NUP210L: variants seen among roughly 807,000 people sequenced by gnomAD.
NUP210L encodes nucleoporin 210 like.
A neutral mutation model predicts 208.5 loss-of-function variants in NUP210L; 74 were observed. The ratio of observed to expected loss-of-function variants is 0.35; its 90% CI spans 0.29 to 0.43. The LOEUF is 0.43. Among genes scored for constraint, NUP210L ranks in the 20% least tolerant of loss-of-function variants. The probability of loss-of-function intolerance (pLI) is 1.00; values close to 1 mark genes in which losing one functional copy is unlikely to be tolerated. For missense variants in NUP210L, 1,843 were observed against 2,289.4 expected (o/e 0.81, Z 3.98); for synonymous variants, 780 against 816.9 (o/e 0.95, Z 0.77).
At chr1:153,993,447 T>C (rs1053752150) in intron 38 of NUP210L, among the ~76,000 whole-genome samples, 3 of 151,958 alleles carry the variant, frequency 2.0e-5, no homozygotes, top group Non-Finnish European at 4.4e-5. Flanking sequence ...GTGCCTGTAG[T>C]CCCAGCTACT....
At chr1:154,123,347 T>C (rs954381538) in intron 10 of NUP210L, among the ~76,000 whole-genome samples, 1 of 152,058 alleles carries the variant, frequency 6.6e-6, no homozygotes, top group Non-Finnish European at 1.5e-5. Flanking sequence ...AGTTTCATCA[T>C]GTTGGCCAGG....
At chr1:153,999,270 C>T (rs973094352) in intron 37 of NUP210L, among the ~76,000 whole-genome samples, 19 of 152,126 alleles carry the variant, frequency 1.2e-4, no homozygotes, top group Admixed American at 1.2e-3. Context: ...GGTTCTCTAG[C>T]TTTTCTAACA....
chr1:154,052,029 G>A (rs561161806), intron 25 of NUP210L, among the ~76,000 whole-genome samples: 2 of 152,256 alleles, frequency 1.3e-5, no homozygotes, highest in African/African-American at 4.8e-5. Flanking sequence ...GGAGAAACAG[G>A]GACTACGGGA....
intron 15 of NUP210L, among the ~76,000 whole-genome samples, chr1:154,091,029 CAGAT>C (rs1041639205): frequency 1.3e-5 from 2 of 150,632 alleles, no homozygotes; most frequent in Non-Finnish European, 3.0e-5. Context: ...AGGATCTTGA[CAGAT>C]AGCTGTATTT....
rs1350938703 is a variant in NUP210L, at chr1:154,055,171, C to CT, written c.3241-340dup. 2.6e-5 allele frequency among the ~76,000 whole-genome samples: 3 copies of CT among 116,476 alleles called. No homozygotes were observed. The East Asian group carries it at 7.3e-4, about 28-fold the overall frequency. The allele number at this position is 116,476 out of a possible 152,430, so 76.4% of individuals were successfully genotyped here. On this transcript the variant is annotated intron_variant, in intron 23 of 39. Transcript: ENST00000368559. ...TCTTTCTTTCTTTCTTTCTTTCTTTCTTTCTTTCTTTCTTTCTTTTTCTTT... is the reference window on the plus strand; with the variant it reads ...TCTTTCTTTCTTTCTTTCTTTCTTTCTTTTCTTTCTTTCTTTCTTTTTCTTT...
rs745411682 is a variant in NUP210L, at chr1:154,013,070, C to CA, written c.4654-701dup. Among the ~76,000 whole-genome samples, 994 of 133,840 alleles carry CA rather than the reference C, an allele frequency of 7.4e-3. 13 individuals carry two copies. The highest frequency in any genetic ancestry group is 0.024 in the African/African-American group (888 of 36,618). The allele number at this position is 133,840 out of a possible 152,430, so 87.8% of individuals were successfully genotyped here. A position where few individuals can be genotyped will look rare whatever the true frequency, so the allele number is the denominator to read the frequency against. On this transcript the variant is annotated intron_variant, in intron 33 of 39. Transcript: ENST00000368559. ...GGCGCGGTGGCTCAGAGCGAGACTC[C>CA]AAAAAAAAAAAAAGACAGGGTCTCA...
chr1:154,114,068 G>A (rs999306026), intron 12 of NUP210L, among the ~76,000 whole-genome samples: 2 of 150,980 alleles, frequency 1.3e-5, no homozygotes, highest in African/African-American at 2.4e-5. Context: ...GCTTGAACTC[G>A]AGAGGCGGAG....
chr1:154,021,356 G>A (rs1314981602), intron 32 of NUP210L, among the ~76,000 whole-genome samples: 1 of 152,062 alleles, frequency 6.6e-6, no homozygotes. Flanking sequence ...GCGTGGTGTT[G>A]TGTGCCTGTA....
intron 27 of NUP210L, among the ~76,000 whole-genome samples, chr1:154,033,505 T>C (rs540421586): frequency 2.6e-5 from 4 of 152,162 alleles, no homozygotes; most frequent in Non-Finnish European, 4.4e-5. Context: ...GAAGAGACTG[T>C]TTTTTCCGCA....
At position 154,001,678 on chromosome 1, in the gene NUP210L, A is replaced by C. The variant is rs1650219869; in HGVS notation, c.5181+57T>G. The C allele has an allele frequency of 1.5e-5, 23 of 1,575,844 alleles. No individual in the cohort carries two copies. In the South Asian group the frequency reaches 2.6e-4, roughly 18 times the overall value. Reference sequence around the variant, plus strand: ...CTTTTGCCCTTGAAGTGAGAATGAAAACTATCTTTTCAAATTCCTGATCTC... The same window carrying C: ...CTTTTGCCCTTGAAGTGAGAATGAACACTATCTTTTCAAATTCCTGATCTC... On this transcript the variant is annotated intron_variant, in intron 36 of 39. Coordinates refer to ENST00000368559, the Ensembl canonical transcript of NUP210L.
At chr1:154,071,244 G>A (rs759916979) in intron 16 of NUP210L, among the ~76,000 whole-genome samples, 11 of 151,544 alleles carry the variant, frequency 7.3e-5, no homozygotes, top group Non-Finnish European at 1.0e-4. Context: ...CTACAGGTGC[G>A]TGCCACCACA....
chr1:154,041,675 A>C lies in NUP210L; in HGVS notation c.3696+4394T>G, dbSNP rs117721491. Among the ~76,000 whole-genome samples, 111 of 152,206 alleles carry C rather than the reference A, an allele frequency of 7.3e-4. 1 individual carries two copies. The East Asian group carries it at 0.019, about 26-fold the overall frequency. On this transcript the variant is annotated intron_variant, in intron 27 of 39. Coordinates refer to ENST00000368559, the Ensembl canonical transcript of NUP210L. The stretch of plus-strand genomic sequence containing the variant: ...AAAAAAGAAAAGAAAAGAAAAAAAA[A>C]CTGGCTGACCATCTTCCCACTTGCC...
At chr1:154,011,473 C>G (rs61805528) in intron 34 of NUP210L, among the ~76,000 whole-genome samples, 1 of 151,350 alleles carries the variant, frequency 6.6e-6, no homozygotes, top group Non-Finnish European at 1.5e-5. Context: ...CCATCCGCCT[C>G]GGCTTCCCAA....
chr1:153,993,256 T>G (rs1649583640), intron 38 of NUP210L, among the ~76,000 whole-genome samples, 167 bp from the exon 39 acceptor site: 1 of 152,194 alleles, frequency 6.6e-6, no homozygotes, highest in African/African-American at 2.4e-5. Context: ...TTAGAGTTAC[T>G]TTCAGCTTTT....
At chr1:153,997,462 T>G (rs1316087096) in intron 37 of NUP210L, among the ~76,000 whole-genome samples, 7 of 140,460 alleles carry the variant, frequency 5.0e-5, no homozygotes, top group Admixed American at 4.0e-4. Context: ...TTTCTTTTCT[T>G]TTCTGTTTTT....
At chr1:154,098,098 G>T (rs936662676) in intron 14 of NUP210L, among the ~76,000 whole-genome samples, 1 of 152,250 alleles carries the variant, frequency 6.6e-6, no homozygotes, top group Admixed American at 6.5e-5. Flanking sequence ...ACCAGTTGCT[G>T]CAGTGGGACA....
chr1:154,017,804 C>T (rs534759352), intron 33 of NUP210L, among the ~76,000 whole-genome samples: 284 of 152,170 alleles, frequency 1.9e-3, no homozygotes, highest in Non-Finnish European at 3.6e-3. Context: ...GCGTGAGCCA[C>T]GGCACTAAGC....
chr1:154,015,152 A>G (rs1651164844), intron 33 of NUP210L, among the ~76,000 whole-genome samples: 1 of 152,104 alleles, frequency 6.6e-6, no homozygotes, highest in Non-Finnish European at 1.5e-5. Context: ...AGATCAACCT[A>G]TCACCCAGGT....
intron 15 of NUP210L, among the ~76,000 whole-genome samples, chr1:154,091,501 C>CTTTTT (rs772608860): frequency 2.8e-4 from 35 of 124,584 alleles, no homozygotes; most frequent in East Asian, 4.4e-4. Context: ...CTTTTCTTTT[C>CTTTTT]TTTTTTTTTT....
Sources: gnomAD v4.1 joint callset for allele counts (sites outside exome capture counted in the v4.1 genomes callset) on GRCh38, gnomAD v4.1.1 for gene constraint, MANE v1.5 for transcripts, NCBI Gene and HGNC (gene_info 2026-07-23, HGNC 2026-07-21) for gene names.